Variants in TBC1D14 observed in about 807,000 individuals in gnomAD.
TBC1D14 encodes the protein TBC1 domain family member 14, also known as TBC1 domain family, member 14.
A neutral mutation model predicts 79.0 loss-of-function variants in TBC1D14; 26 were observed. The ratio of observed to expected loss-of-function variants is 0.33; its 90% confidence interval spans 0.24 to 0.46. The LOEUF is 0.46. TBC1D14 is among the 20% of genes least tolerant of loss of function. The probability of loss-of-function intolerance (pLI) is 1.00; values close to 1 mark genes in which losing one functional copy is unlikely to be tolerated. For missense variants in TBC1D14, 769 were observed against 887.6 expected (o/e 0.87, Z 1.70); for synonymous variants, 394 against 349.9 (o/e 1.13, Z -1.40).
intron 2 of TBC1D14, among the ~76,000 whole-genome samples, chr4:6,932,884 G>A (rs903333797): frequency 6.6e-6 from 1 of 152,160 alleles, no homozygotes; most frequent in African/African-American, 2.4e-5. Flanking sequence ...TGTCCATCAT[G>A]GTGTGGCTGG....
rs1188602003 is a variant in TBC1D14 at position 6,909,842 on chromosome 4, C to T, written c.-127C>T. On this transcript the variant is annotated 5_prime_UTR_variant, in exon 1 of 14. Transcript: ENST00000409757. ...CTCGCGCGCACCTGCGGGTCGGACC[C>T]GCTGCCTACCGCGTGCCCGGCGTCC... The T allele has an allele frequency of 6.7e-6, 1 of 148,382 alleles. No individual in the cohort carries two copies. Among genetic ancestry groups the T allele is most frequent in the Admixed American group, 6.7e-5 (1 of 14,956 alleles). The allele number at this position is 148,382 out of a possible 1,614,324, so 9.2% of individuals were successfully genotyped here.
chr4:7,016,227 T>C (rs779419931), intron 12 of TBC1D14, among the ~76,000 whole-genome samples: 4 of 152,190 alleles, frequency 2.6e-5, no homozygotes, highest in Non-Finnish European at 5.9e-5. Flanking sequence ...CACAAGGCGC[T>C]GGTGACAGGA....
chr4:6,979,565 G>A (rs1221322253), intron 3 of TBC1D14, among the ~76,000 whole-genome samples: 1 of 152,044 alleles, frequency 6.6e-6, no homozygotes, highest in Non-Finnish European at 1.5e-5. Context: ...AGGTTACAGT[G>A]AACTGATTTT....
chr4:6,982,499 A>G (rs181986219), intron 3 of TBC1D14, among the ~76,000 whole-genome samples: 5 of 152,332 alleles, frequency 3.3e-5, no homozygotes, highest in Admixed American at 2.0e-4. Flanking sequence ...CAACTGTTTT[A>G]TATCTTGATT....
At chr4:7,003,472 C>G (rs7695050) in intron 7 of TBC1D14, among the ~76,000 whole-genome samples, 42,784 of 152,098 alleles carry the variant, frequency 0.28, 6,176 homozygotes, top group Admixed American at 0.33. Context: ...AGCATGCGTG[C>G]TGAGTTACTG....
chr4:6,983,840 A>C (rs1490961743), intron 3 of TBC1D14, among the ~76,000 whole-genome samples: 1 of 152,200 alleles, frequency 6.6e-6, no homozygotes, highest in Non-Finnish European at 1.5e-5. Flanking sequence ...GCCTTTTAAC[A>C]ATAAAGACTG....
At chr4:6,987,392 C>A in intron 3 of TBC1D14, 2 of 1,385,582 alleles carry the variant, frequency 1.4e-6, no homozygotes, top group Non-Finnish European at 1.9e-6. Context: ...GCGCCCCAGG[C>A]CTGCCCGGTC....
At chr4:6,969,712 G>GTT (rs772077660) in intron 3 of TBC1D14, among the ~76,000 whole-genome samples, 1 of 146,794 alleles carries the variant, frequency 6.8e-6, no homozygotes. Context: ...GCCCGACCCT[G>GTT]TTTTTTTTTT....
intron 5 of TBC1D14, chr4:6,996,918 T>C (rs1185645293): frequency 6.6e-6 from 1 of 152,288 alleles, no homozygotes; most frequent in Non-Finnish European, 1.5e-5. Flanking sequence ...TTTCCCTCTC[T>C]GGGTTGTTTT....
intron 11 of TBC1D14, 64 bp downstream of exon 11, chr4:7,010,845 G>A (rs961548564): frequency 1.7e-5 from 26 of 1,546,782 alleles, no homozygotes; most frequent in African/African-American, 1.7e-4. Context: ...TTGCTTACTC[G>A]TCTGTGTTTT....
At chr4:6,986,813 T>C (rs1388437406) in intron 3 of TBC1D14, among the ~76,000 whole-genome samples, 2 of 152,204 alleles carry the variant, frequency 1.3e-5, no homozygotes, top group Non-Finnish European at 2.9e-5. Context: ...CCTGTTCGGC[T>C]TCTCTGAGTG....
chr4:6,960,952 C>G (rs1481430259), intron 2 of TBC1D14, among the ~76,000 whole-genome samples: 2 of 152,172 alleles, frequency 1.3e-5, no homozygotes, highest in African/African-American at 4.8e-5. Context: ...TTCTGAAGGT[C>G]CTTTTGTCCC....
At chr4:6,997,803 G>A (rs188587479) in intron 5 of TBC1D14, among the ~76,000 whole-genome samples, 8 of 152,198 alleles carry the variant, frequency 5.3e-5, no homozygotes, top group Admixed American at 3.9e-4. Flanking sequence ...CTTCTATGAG[G>A]TCCCTAAGAG....
intron 9 of TBC1D14, 101 bp from the exon 10 acceptor site, chr4:7,009,776 A>C: frequency 8.6e-7 from 1 of 1,168,768 alleles, no homozygotes; most frequent in Admixed American, 1.7e-5. Flanking sequence ...TAATGCTGAA[A>C]ATAGCAGGAG....
chr4:6,967,817 T>C lies in TBC1D14; in HGVS notation c.843+393T>C, dbSNP rs541508384. Among the ~76,000 whole-genome samples the C allele has an allele frequency of 2.6e-5, 4 of 152,366 alleles. No homozygotes were observed. In the South Asian group the frequency reaches 8.3e-4, roughly 32 times the overall value. On this transcript the variant is annotated intron_variant, in intron 3 of 13. Coordinates refer to ENST00000409757, the MANE Select transcript of TBC1D14 (RefSeq NM_020773.3). ...CTTGGAGCTCACATCCTTCCTGTGC[T>C]ACTCTGGGACAGGAAGGCGAGGGCC...
At position 7,025,271 on chromosome 4, in the gene TBC1D14, G is replaced by T. The variant is rs1406342672; in HGVS notation, c.2016+9G>T. ...ACAAGAAGTGGGCTCAGGTCAGCGG[G>T]CTTTGTGTTCTTGGCTTCCCACAGC... On this transcript the variant is annotated intron_variant, in intron 13 of 13. Coordinates refer to ENST00000409757, the MANE Select transcript of TBC1D14 (RefSeq NM_020773.3). The T allele has an allele frequency of 1.9e-6, 3 of 1,613,990 alleles. No individual in the cohort carries two copies. Among genetic ancestry groups the T allele is most frequent in the South Asian group, 1.1e-5 (1 of 91,076 alleles).
intron 3 of TBC1D14, among the ~76,000 whole-genome samples, chr4:6,990,758 G>C (rs1718409454): frequency 6.6e-6 from 1 of 152,112 alleles, no homozygotes; most frequent in Non-Finnish European, 1.5e-5. Context: ...CTGTACAGTT[G>C]CTACTGTTTT....
chr4:7,030,238 T>G (rs1722912704), intron 13 of TBC1D14, 89 bp from the exon 14 acceptor site: 1 of 1,279,294 alleles, frequency 7.8e-7, no homozygotes, highest in Non-Finnish European at 1.1e-6. Flanking sequence ...GGGGACCCTG[T>G]TAGGAGGCTA....
chr4:6,987,037 G>C (rs894597514), intron 3 of TBC1D14: 536 of 200,096 alleles, frequency 2.7e-3, no homozygotes, highest in Middle Eastern at 7.1e-3. Context: ...GCGCGTCCCC[G>C]GTGTTTACGG....
Sources: gnomAD v4.1 joint callset for allele counts (sites outside exome capture counted in the v4.1 genomes callset) on GRCh38, gnomAD v4.1.1 for gene constraint, MANE v1.5 for transcripts, NCBI Gene and HGNC (gene_info 2026-07-23, HGNC 2026-07-21) for gene names.